SLC9A3: variants seen among roughly 807,000 people sequenced by gnomAD.
SLC9A3 encodes solute carrier family 9 member A3, also known as sodium/hydrogen exchanger 3.
A neutral mutation model predicts 86.8 loss-of-function variants in SLC9A3; 37 were observed. The ratio of observed to expected loss-of-function variants is 0.43; its 90% CI spans 0.33 to 0.56. The LOEUF is 0.56. Ranked by LOEUF, SLC9A3 falls within the 20% of genes least tolerant of loss-of-function variation. The pLI is 0.06. For synonymous variants in SLC9A3, 581 were observed against 528.3 expected, an observed-to-expected ratio of 1.10 and a Z score of -1.37; for missense variants, 1,011 against 1,171.9, an observed-to-expected ratio of 0.86 and a Z score of 2.00.
intron 10 of SLC9A3, chr5:478,376 C>T: frequency 6.6e-6 from 1 of 152,470 alleles, no homozygotes; most frequent in Non-Finnish European, 1.5e-5. Context: ...GAGGGCTGTG[C>T]AGCACCCGGG....
At chr5:503,869 C>G (rs753151870) in intron 1 of SLC9A3, among the ~76,000 whole-genome samples, 1 of 152,208 alleles carries the variant, frequency 6.6e-6, no homozygotes, top group Non-Finnish European at 1.5e-5. Flanking sequence ...CCTGAATCGG[C>G]GAATCGTCTG....
chr5:523,009 G>A (rs1404843081), intron 1 of SLC9A3, among the ~76,000 whole-genome samples: 1 of 152,180 alleles, frequency 6.6e-6, no homozygotes, highest in Non-Finnish European at 1.5e-5. Flanking sequence ...AGGCAGCCCG[G>A]CGGGGAGCTG....
At chr5:502,682 C>T (rs569639760) in intron 1 of SLC9A3, among the ~76,000 whole-genome samples, 4 of 152,198 alleles carry the variant, frequency 2.6e-5, no homozygotes, top group Non-Finnish European at 4.4e-5. Context: ...CAAGCCGCAG[C>T]GGTGGAGTGG....
chr5:521,127 G>A (rs114969253), intron 1 of SLC9A3, among the ~76,000 whole-genome samples: 3,356 of 152,304 alleles, frequency 0.022, 54 homozygotes, highest in African/African-American at 0.037. Context: ...GAGTGGCTCC[G>A]TGGCCTCGGC....
chr5:490,022 G>A (rs1180535012), intron 2 of SLC9A3, among the ~76,000 whole-genome samples: 2 of 152,354 alleles, frequency 1.3e-5, no homozygotes, highest in East Asian at 1.9e-4. Flanking sequence ...CATGGGGCAC[G>A]TTTGGCCTTG....
intron 16 of SLC9A3, among the ~76,000 whole-genome samples, chr5:474,014 G>A (rs1738552787): frequency 6.6e-6 from 1 of 152,246 alleles, no homozygotes; most frequent in Non-Finnish European, 1.5e-5. Flanking sequence ...CAGCAGAGAC[G>A]CCAGAGTATC....
At chr5:500,297 G>A (rs1029980633) in intron 1 of SLC9A3, among the ~76,000 whole-genome samples, 5 of 152,238 alleles carry the variant, frequency 3.3e-5, no homozygotes, top group African/African-American at 9.6e-5. Flanking sequence ...AGACGGAACC[G>A]GCTTCCGGCA....
intron 8 of SLC9A3, 30 bp from the exon 9 acceptor site, chr5:481,665 C>G: frequency 6.3e-7 from 1 of 1,596,654 alleles, no homozygotes; most frequent in Non-Finnish European, 8.6e-7. Flanking sequence ...ATGAGCGTCT[C>G]GGGGCGGCCA....
At chr5:522,204 C>A (rs574861905) in intron 1 of SLC9A3, among the ~76,000 whole-genome samples, 7 of 152,322 alleles carry the variant, frequency 4.6e-5, no homozygotes, top group Admixed American at 4.6e-4. Context: ...CGCCCTGCCC[C>A]GGGGAGTTGC....
At chr5:509,133 G>C (rs1740761898) in intron 1 of SLC9A3, among the ~76,000 whole-genome samples, 1 of 149,808 alleles carries the variant, frequency 6.7e-6, no homozygotes, top group Non-Finnish European at 1.5e-5. Context: ...TATCTCAGAA[G>C]ATAGAGAAAA....
At chr5:473,431 C>T in intron 16 of SLC9A3, 49 bp from the exon 17 acceptor site, 1 of 1,339,912 alleles carries the variant, frequency 7.5e-7, no homozygotes. Context: ...GGCGCTGGGG[C>T]GGGAGGGGCG....
Position 473,279 on chromosome 5 carries a change from C to T in SLC9A3, c.*100G>A, listed in dbSNP as rs373713317. Reference sequence around the variant, plus strand: ...GGCTCGGGGCTCGCGGTCGCTGTAGCCGCGCGGGGATCTGGGGTTTCTCTG... The same window carrying T: ...GGCTCGGGGCTCGCGGTCGCTGTAGTCGCGCGGGGATCTGGGGTTTCTCTG... On this transcript the variant is annotated 3_prime_UTR_variant, in exon 17 of 17. Coordinates refer to ENST00000264938, the MANE Select transcript of SLC9A3 (RefSeq NM_004174.4). 5.7e-6 allele frequency: 7 copies of T among 1,238,540 alleles called. No homozygotes were observed. The highest frequency in any genetic ancestry group is 3.2e-5 in the East Asian group (1 of 31,044). 76.7% of individuals were successfully genotyped at this position (1,238,540 alleles called of 1,614,324 possible).
At chr5:474,136 CGCGCG>C (rs1350429159) in intron 16 of SLC9A3, among the ~76,000 whole-genome samples, 38 of 146,332 alleles carry the variant, frequency 2.6e-4, no homozygotes, top group African/African-American at 9.5e-4. Context: ...AGAGAGCGAG[CGCGCG>C]AGGCGGAGAC....
chr5:519,998 G>T (rs1282055946), intron 1 of SLC9A3, among the ~76,000 whole-genome samples: 1 of 152,166 alleles, frequency 6.6e-6, no homozygotes, highest in Non-Finnish European at 1.5e-5. Flanking sequence ...GGCGGCCTGG[G>T]CCTCCGCCAT....
chr5:481,672 G>A (rs1007503445), intron 8 of SLC9A3, 37 bp from the exon 9 acceptor site: 16 of 1,565,334 alleles, frequency 1.0e-5, no homozygotes, highest in Non-Finnish European at 1.4e-5. Context: ...TCTCGGGGCG[G>A]CCAACCGGGG....
chr5:495,122 C>A (rs1490081145), intron 1 of SLC9A3, among the ~76,000 whole-genome samples: 1 of 151,248 alleles, frequency 6.6e-6, no homozygotes, highest in Non-Finnish European at 1.5e-5. Context: ...GCAGGTCAGA[C>A]CTGGGAAGCA....
chr5:513,492 G>GGA (rs1733633987), intron 1 of SLC9A3, among the ~76,000 whole-genome samples: 3 of 152,172 alleles, frequency 2.0e-5, no homozygotes, highest in Admixed American at 6.5e-5. Context: ...TTGGGCGGGA[G>GGA]GAGAGCGCCA....
At chr5:495,954 C>T (rs992658707) in intron 1 of SLC9A3, among the ~76,000 whole-genome samples, 2 of 151,800 alleles carry the variant, frequency 1.3e-5, no homozygotes, top group African/African-American at 4.8e-5. Flanking sequence ...GCGCCATCGC[C>T]GACCCTCCCC....
intron 1 of SLC9A3, among the ~76,000 whole-genome samples, chr5:506,026 T>C (rs892820919): frequency 6.6e-6 from 1 of 152,012 alleles, no homozygotes; most frequent in Non-Finnish European, 1.5e-5. Flanking sequence ...CTGACCTTTA[T>C]CCCTCAGGAG....
Sources: gnomAD v4.1 joint callset for allele counts (sites outside exome capture counted in the v4.1 genomes callset) on GRCh38, gnomAD v4.1.1 for gene constraint, MANE v1.5 for transcripts, NCBI Gene and HGNC (gene_info 2026-07-23, HGNC 2026-07-21) for gene names.